Variants in SERPINA11 observed in about 807,000 individuals in gnomAD.
SERPINA11 encodes the protein serpin A11.
In SERPINA11, 28 loss-of-function variants were observed where a neutral mutation model predicts 29.4. The observed-to-expected ratio is 0.95, with a 90% CI of 0.70 to 1.30. The LOEUF (loss-of-function observed/expected upper bound fraction) is 1.30. Among genes scored for constraint, SERPINA11 ranks in the 50% most tolerant of loss-of-function variants. SERPINA11 has a pLI of 0.00. For synonymous variants in SERPINA11, 253 were observed against 206.6 expected, an observed-to-expected ratio of 1.22 and a Z score of -1.92; for missense variants, 530 against 507.3, an observed-to-expected ratio of 1.04 and a Z score of -0.43.
intron 1 of SERPINA11, among the ~76,000 whole-genome samples, chr14:94,449,432 T>C (rs1343123725): frequency 3.0e-5 from 3 of 101,144 alleles, no homozygotes; most frequent in Non-Finnish European, 1.8e-5. Context: ...TTTCTTTCTT[T>C]CTTTCTTTCT....
intron 2 of SERPINA11, 42 bp from the exon 3 acceptor site, chr14:94,446,646 A>G: frequency 6.4e-7 from 1 of 1,573,084 alleles, no homozygotes; most frequent in Non-Finnish European, 8.6e-7. Context: ...ACTCTTTTCA[A>G]GAGAGCAACT....
intron 3 of SERPINA11, among the ~76,000 whole-genome samples, chr14:94,444,603 A>G (rs572163210): frequency 6.6e-6 from 1 of 152,274 alleles, no homozygotes; most frequent in South Asian, 2.1e-4. Context: ...GCAACTGACT[A>G]GAGCCGTGGA....
At chr14:94,443,923 G>A (rs959101984) in intron 3 of SERPINA11, among the ~76,000 whole-genome samples, 2 of 152,168 alleles carry the variant, frequency 1.3e-5, no homozygotes, top group Non-Finnish European at 2.9e-5. Flanking sequence ...TCTCTCTGGG[G>A]TTATTCTTCT....
intron 1 of SERPINA11, among the ~76,000 whole-genome samples, chr14:94,449,481 CTGTCTG>C (rs1452553461): frequency 2.7e-5 from 2 of 75,072 alleles, no homozygotes; most frequent in African/African-American, 2.3e-4. Flanking sequence ...TTCTTTCTTT[CTGTCTG>C]TCTGTCTTTC....
Position 94,443,121 on chromosome 14 carries a change from T to C in SERPINA11, c.1022A>G (p.Asp341Gly), listed in dbSNP as rs373224344. The change falls in exon 4 of 5, where the codon GAC becomes GGC. Residue 341 changes from aspartate (D) to glycine (G), a missense_variant. Transcript: ENST00000334708. ...GLTNILNLEA[D>G]FSGVTGQLNK... ...GAGCTGCCCAGTGACTCCTGAGAAG[T>C]CAGCTTCTAAGTTGAGTATGTTGGT... The C allele has an allele frequency of 1.7e-5, 27 of 1,613,992 alleles. 1 individual carries two copies. The African/African-American group carries it at 3.2e-4, about 19-fold the overall frequency.
At position 94,449,159 on chromosome 14, in the gene SERPINA11, T is replaced by A. The variant is rs147262491; in HGVS notation, c.-3-382A>T. Among the ~76,000 whole-genome samples, 69 of 152,280 alleles carry A rather than the reference T, an allele frequency of 4.5e-4. 4 individuals carry two copies. In the East Asian group the frequency reaches 0.013, roughly 29 times the overall value. ...TGAGCCCAGGAGTTTGAGACCAGGC[T>A]GGGCAACATAGGGAGACCCCCTCTA... On this transcript the variant is annotated intron_variant, in intron 1 of 4. Transcript: ENST00000334708.
rs1197320854 is a variant in SERPINA11 at position 94,448,282 on chromosome 14, C to G, written c.493G>C (p.Ala165Pro). Residue 165 changes from alanine (A) to proline (P), a missense_variant, in exon 2 of 5, where the codon GCT becomes CCT. By Grantham distance (27) the Ala-to-Pro change is conservative. Transcript: ENST00000334708. ...GAATCTGTGAAGTTGGCAGAAAAAGCAAAAGCTCCATAAAGCTCCTTGATG... is the reference window on the plus strand; with the variant it reads ...GAATCTGTGAAGTTGGCAGAAAAAGGAAAAGCTCCATAAAGCTCCTTGATG... ...DSIKELYGAF[A>P]FSANFTDSVT... 2.5e-6 allele frequency: 4 copies of G among 1,614,228 alleles called. No homozygotes were observed. Among genetic ancestry groups the G allele is most frequent in the Non-Finnish European group, 3.4e-6 (4 of 1,180,044 alleles).
rs1323853260 is a variant in SERPINA11, at chr14:94,442,591, G to T, written c.*15C>A. 6 of 1,587,566 alleles carry T rather than the reference G, an allele frequency of 3.8e-6. No individual in the cohort carries two copies. Among genetic ancestry groups the T allele is most frequent in the Non-Finnish European group, 5.2e-6 (6 of 1,163,200 alleles). ...TCCAGGATGAGATAAGATAACTCCT[G>T]GCCTCCCACCATGGTTACCCTGCAA... is the stretch of plus-strand genomic sequence containing the variant. On this transcript the variant is annotated 3_prime_UTR_variant, in exon 5 of 5. Transcript: ENST00000334708.
At chr14:94,450,322 TGA>T (rs1328128409) in intron 1 of SERPINA11, among the ~76,000 whole-genome samples, 1 of 152,168 alleles carries the variant, frequency 6.6e-6, no homozygotes, top group African/African-American at 2.4e-5. Flanking sequence ...TCAGTTAAGA[TGA>T]GGTCATTAGA....
rs969621392 is a variant in SERPINA11, at chr14:94,444,664, C to A, written c.918-1439G>T. Reference sequence around the variant, plus strand: ...CTTAAATCCTGGCCTCTCCCCTTGGCCCGTGCCTCTTATTTGGTGTTTTAA... The same window carrying A: ...CTTAAATCCTGGCCTCTCCCCTTGGACCGTGCCTCTTATTTGGTGTTTTAA... On this transcript the variant is annotated intron_variant, in intron 3 of 4. Transcript: ENST00000334708. Among the ~76,000 whole-genome samples, 3 of 152,228 alleles carry A rather than the reference C, an allele frequency of 2.0e-5. No individual in the cohort carries two copies. In the South Asian group the frequency reaches 6.2e-4, roughly 31 times the overall value.
chr14:94,447,912 G>C (rs1307967983), intron 2 of SERPINA11, among the ~76,000 whole-genome samples: 1 of 152,190 alleles, frequency 6.6e-6, no homozygotes, highest in Non-Finnish European at 1.5e-5. Flanking sequence ...GAACTCTGTG[G>C]CACCCAATGC....
rs1898359257 is a variant in SERPINA11 at position 94,442,488 on chromosome 14, A to G, written c.*118T>C. The G allele has an allele frequency of 2.8e-6, 2 of 709,572 alleles. No individual in the cohort carries two copies. The highest frequency in any genetic ancestry group is 1.9e-5 in the South Asian group (1 of 51,594). 44.0% of individuals were successfully genotyped at this position (709,572 alleles called of 1,614,324 possible). ...GTTCACAGAACCCAAGGTCAACTTT[A>G]TTAGAATCTTGGCACACTGATTAAC... On this transcript the variant is annotated 3_prime_UTR_variant, in exon 5 of 5. Coordinates refer to ENST00000334708, the MANE Select transcript of SERPINA11 (RefSeq NM_001080451.2).
intron 2 of SERPINA11, among the ~76,000 whole-genome samples, chr14:94,447,460 T>G (rs1898467667): frequency 6.6e-6 from 1 of 152,154 alleles, no homozygotes; most frequent in African/African-American, 2.4e-5. Context: ...TATGAAAACC[T>G]CCCAACTTGT....
chr14:94,448,045 T>C, intron 2 of SERPINA11, 87 bp downstream of exon 2: 1 of 1,290,222 alleles, frequency 7.8e-7, no homozygotes, highest in Non-Finnish European at 1.1e-6. Context: ...CCCAAGTGGT[T>C]AGCAAAGAAC....
intron 1 of SERPINA11, among the ~76,000 whole-genome samples, chr14:94,450,679 G>C (rs1898570858): frequency 1.3e-5 from 2 of 152,172 alleles, no homozygotes; most frequent in African/African-American, 2.4e-5. Context: ...GATATCTCTT[G>C]TGCTTTATTT....
intron 1 of SERPINA11, among the ~76,000 whole-genome samples, chr14:94,452,493 A>C (rs528577554): frequency 6.6e-6 from 1 of 152,222 alleles, no homozygotes; most frequent in South Asian, 2.1e-4. Context: ...TTTCCATAAA[A>C]GGAGATTGAA....
At chr14:94,449,147 T>A (rs142809043) in intron 1 of SERPINA11, among the ~76,000 whole-genome samples, 1,683 of 152,228 alleles carry the variant, frequency 0.011, 18 homozygotes, top group African/African-American at 0.031. Flanking sequence ...GCCCAGGAGT[T>A]TGAGACCAGG....
chr14:94,448,150 T>A lies in SERPINA11; in HGVS notation c.625A>T (p.Asn209Tyr). The A allele has an allele frequency of 6.2e-7, 1 of 1,613,368 alleles. No homozygotes were observed. The highest frequency in any genetic ancestry group is 8.5e-7 in the Non-Finnish European group (1 of 1,179,390). ...FSQDTFMVLA[N>Y]YIFFKAKWKH... ...GCCTCACCTTTGAAGAAGATGTAAT[T>A]GGCAAGAACCATGAACGTGTCCTGG... The change falls in exon 2 of 5, where the codon AAT (asparagine) becomes TAT (tyrosine). Residue 209 changes from asparagine to tyrosine, a missense_variant. By Grantham distance (143) the Asn-to-Tyr change is moderately radical. Coordinates refer to ENST00000334708, the MANE Select transcript of SERPINA11 (RefSeq NM_001080451.2).
chr14:94,446,790 A>G (rs1303410145), intron 2 of SERPINA11, among the ~76,000 whole-genome samples, 186 bp from the exon 3 acceptor site: 1 of 152,220 alleles, frequency 6.6e-6, no homozygotes, highest in Non-Finnish European at 1.5e-5. Context: ...CCAGTGTTTG[A>G]GCACTAACAG....
Sources: gnomAD v4.1 joint callset for allele counts (sites outside exome capture counted in the v4.1 genomes callset) on GRCh38, gnomAD v4.1.1 for gene constraint, MANE v1.5 for transcripts, NCBI Gene and HGNC (gene_info 2026-07-23, HGNC 2026-07-21) for gene names.